The following HECW1 variants were observed in gnomAD, a reference collection of about 807,000 sequenced individuals.
The protein encoded by HECW1 is E3 ubiquitin-protein ligase HECW1.
Under a neutral mutation model 182.3 loss-of-function variants are expected in HECW1, and 61 were observed. The ratio of observed to expected loss-of-function variants is 0.33; its 90% CI spans 0.27 to 0.41. The LOEUF is 0.41. HECW1 is among the 10% of genes least tolerant of loss of function. The pLI, the probability that HECW1 is intolerant of heterozygous loss-of-function variation, is 1.00. For synonymous variants in HECW1, 859 were observed against 832.6 expected, an observed-to-expected ratio of 1.03 and a Z score of -0.55; for missense variants, 1,739 against 2,108.9, an observed-to-expected ratio of 0.82 and a Z score of 3.44.
chr7:43,129,973 T>A (rs1038998410), intron 2 of HECW1, among the ~76,000 whole-genome samples: 5 of 152,220 alleles, frequency 3.3e-5, no homozygotes, highest in African/African-American at 1.2e-4. Context: ...ATAGATGCAG[T>A]TTTTTCTCAA....
At chr7:43,126,565 G>A (rs1389725086) in intron 2 of HECW1, among the ~76,000 whole-genome samples, 2 of 152,142 alleles carry the variant, frequency 1.3e-5, no homozygotes, top group African/African-American at 4.8e-5. Context: ...CCTAACTGCT[G>A]ATTTATATGA....
intron 2 of HECW1, among the ~76,000 whole-genome samples, chr7:43,226,381 C>G (rs1044635704): frequency 6.6e-6 from 1 of 152,112 alleles, no homozygotes; most frequent in Non-Finnish European, 1.5e-5. Context: ...CCCTGCCTCC[C>G]CAGTGGGGTG....
In HECW1 at chr7:43,456,362, A is replaced by C. The variant is rs774431227; in HGVS notation, c.2566A>C (p.Thr856Pro). The C allele has an allele frequency of 6.2e-7, 1 of 1,614,048 alleles. No individual in the cohort carries two copies. Among genetic ancestry groups the C allele is most frequent in the East Asian group, 2.2e-5 (1 of 44,886 alleles). The change falls in exon 13 of 30, where the codon ACC becomes CCC. Residue 856 changes from threonine to proline, a missense_variant. Thr to Pro is a conservative substitution (Grantham distance 38, BLOSUM62 -1). Transcript: ENST00000395891. ...TGTGGACCACGTGAACCGCACAACC[A>C]CCTGGCAGCGTCCGACGGCAGCAGC... ...FYVDHVNRTT[T>P]WQRPTAAATP...
chr7:43,238,440 G>A (rs1798583765), intron 2 of HECW1, among the ~76,000 whole-genome samples: 1 of 152,218 alleles, frequency 6.6e-6, no homozygotes, highest in South Asian at 2.1e-4. Context: ...CACACCCACA[G>A]GTGGTCATAT....
At chr7:43,322,874 A>G (rs550358621) in intron 5 of HECW1, among the ~76,000 whole-genome samples, 1 of 152,248 alleles carries the variant, frequency 6.6e-6, no homozygotes, top group Admixed American at 6.5e-5. Flanking sequence ...AGAAATAGAC[A>G]TAAGAACCCA....
At chr7:43,541,017 A>G in intron 24 of HECW1, 146 bp from the exon 25 acceptor site, 1 of 673,348 alleles carries the variant, frequency 1.5e-6, no homozygotes. Flanking sequence ...AAGGACAAGA[A>G]CAGGTGCCTC....
intron 19 of HECW1, among the ~76,000 whole-genome samples, chr7:43,500,202 C>T (rs190545469): frequency 1.3e-5 from 2 of 151,622 alleles, no homozygotes; most frequent in Non-Finnish European, 2.9e-5. Flanking sequence ...CCGGTTCAAG[C>T]GATTCTCCTA....
chr7:43,269,946 A>C (rs529363637), intron 3 of HECW1, among the ~76,000 whole-genome samples: 91 of 152,320 alleles, frequency 6.0e-4, no homozygotes, highest in Non-Finnish European at 1.3e-4. Context: ...CAAAATGTAA[A>C]ACAAGGTTGA....
intron 2 of HECW1, among the ~76,000 whole-genome samples, chr7:43,160,169 C>T (rs1246215674): frequency 6.6e-6 from 1 of 152,112 alleles, no homozygotes; most frequent in Non-Finnish European, 1.5e-5. Context: ...GATCTTTGCC[C>T]ATTTTTCTAT....
rs765988479 is a variant in HECW1 at position 43,507,306 on chromosome 7, T to C, written c.3752+49T>C. The C allele has an allele frequency of 3.2e-6, 5 of 1,583,132 alleles. No homozygotes were observed. In the East Asian group the frequency reaches 1.1e-4, roughly 36 times the overall value. On this transcript the variant is annotated intron_variant, in intron 22 of 29. Transcript: ENST00000395891. ...TGAATTCAGACAGTAGATTTTTCAA[T>C]CCCTTTCTCCCCTACACCCTTGTAA...
intron 2 of HECW1, among the ~76,000 whole-genome samples, chr7:43,201,398 G>A (rs1562667106): frequency 1.3e-5 from 2 of 152,184 alleles, no homozygotes; most frequent in Non-Finnish European, 2.9e-5. Context: ...ATGTTCATGG[G>A]GAAGCATGCT....
chr7:43,480,655 GTGTA>G (rs2078395963), intron 17 of HECW1, among the ~76,000 whole-genome samples: 1 of 150,974 alleles, frequency 6.6e-6, no homozygotes, highest in African/African-American at 2.4e-5. Flanking sequence ...GTGTGTGTGT[GTGTA>G]TATATATACA....
chr7:43,499,454 G>C (rs1254336415), intron 19 of HECW1, among the ~76,000 whole-genome samples: 1 of 147,022 alleles, frequency 6.8e-6, no homozygotes, highest in Non-Finnish European at 1.5e-5. Context: ...GGGCAACAGA[G>C]CAAGACTCTG....
intron 6 of HECW1, among the ~76,000 whole-genome samples, chr7:43,386,461 A>G (rs1295876684): frequency 6.6e-6 from 1 of 152,134 alleles, no homozygotes; most frequent in Non-Finnish European, 1.5e-5. Flanking sequence ...TACCCACATG[A>G]TACAGAAACC....
At chr7:43,170,963 C>T (rs912284756) in intron 2 of HECW1, among the ~76,000 whole-genome samples, 1 of 152,108 alleles carries the variant, frequency 6.6e-6, no homozygotes, top group Non-Finnish European at 1.5e-5. Context: ...ATGAATGAAA[C>T]CAGTGTCCTT....
At chr7:43,302,211 G>C (rs1386365997) in intron 3 of HECW1, among the ~76,000 whole-genome samples, 1 of 148,998 alleles carries the variant, frequency 6.7e-6, no homozygotes, top group Non-Finnish European at 1.5e-5. Flanking sequence ...GGCTCCTCAG[G>C]CTTCTCAACA....
intron 5 of HECW1, among the ~76,000 whole-genome samples, chr7:43,342,405 A>G (rs1470982290): frequency 6.6e-6 from 1 of 151,854 alleles, no homozygotes; most frequent in African/African-American, 2.4e-5. Flanking sequence ...ACTGCCATAT[A>G]GGATAGACTG....
In HECW1 at chr7:43,325,411, C is replaced by T. The variant is rs543051185; in HGVS notation, c.460+4669C>T. ...CATTGTGTATTTTGTCAGAATCCTT[C>T]CAAGTCAGGGCTTGGATTGCCCCAG... On this transcript the variant is annotated intron_variant, in intron 5 of 29. Coordinates refer to ENST00000395891, the MANE Select transcript of HECW1 (RefSeq NM_015052.5). Among the ~76,000 whole-genome samples, 8 of 152,302 alleles carry T rather than the reference C, an allele frequency of 5.3e-5. No individual in the cohort carries two copies. The South Asian group carries it at 1.5e-3, about 28-fold the overall frequency.
At chr7:43,217,786 C>T (rs2152700382) in intron 2 of HECW1, among the ~76,000 whole-genome samples, 1 of 152,316 alleles carries the variant, frequency 6.6e-6, no homozygotes, top group Middle Eastern at 3.4e-3. Flanking sequence ...GACTTAACAC[C>T]CACCACTCAT....
Sources: gnomAD v4.1 joint callset for allele counts (sites outside exome capture counted in the v4.1 genomes callset) on GRCh38, gnomAD v4.1.1 for gene constraint, MANE v1.5 for transcripts, NCBI Gene and HGNC (gene_info 2026-07-23, HGNC 2026-07-21) for gene names.